The following SCAI variants were observed in gnomAD, a reference collection of about 807,000 sequenced individuals.
SCAI encodes suppressor of cancer cell invasion.
In SCAI, 24 loss-of-function variants were observed where a neutral mutation model predicts 92.2. The ratio of observed to expected loss-of-function variants is 0.26; its 90% confidence interval spans 0.19 to 0.37. The LOEUF is 0.37. Ranked by LOEUF, SCAI falls within the 10% of genes least tolerant of loss-of-function variation. SCAI has a pLI of 1.00. For missense variants in SCAI, 450 were observed against 736.2 expected, an observed-to-expected ratio of 0.61 and a Z score of 4.50; for synonymous variants, 261 against 258.6, an observed-to-expected ratio of 1.01 and a Z score of -0.09.
chr9:125,001,413 G>A (rs1034819619), intron 12 of SCAI, among the ~76,000 whole-genome samples: 20 of 152,152 alleles, frequency 1.3e-4, no homozygotes, highest in South Asian at 6.2e-4. Flanking sequence ...ACAGTGTTAC[G>A]TTTTTATTCT....
At chr9:125,133,963 C>G (rs898991613) in intron 2 of SCAI, among the ~76,000 whole-genome samples, 3 of 152,148 alleles carry the variant, frequency 2.0e-5, no homozygotes, top group Admixed American at 2.0e-4. Flanking sequence ...CAAAATGTCT[C>G]CAGACATTCT....
intron 2 of SCAI, among the ~76,000 whole-genome samples, chr9:125,088,097 G>A (rs773475117): frequency 6.6e-6 from 1 of 152,012 alleles, no homozygotes. Context: ...CAACTGTTTT[G>A]TTTTGTTTTG....
intron 2 of SCAI, among the ~76,000 whole-genome samples, chr9:125,133,595 G>T (rs906373660): frequency 1.3e-5 from 2 of 152,150 alleles, no homozygotes; most frequent in African/African-American, 4.8e-5. Flanking sequence ...AAACCACAAT[G>T]ACACGTACCA....
At position 124,948,368 on chromosome 9, in the gene SCAI, G is replaced by A. The variant is rs1831184866; in HGVS notation, c.*4439C>T. On this transcript the variant is annotated 3_prime_UTR_variant, in exon 18 of 18. Coordinates refer to ENST00000336505, the MANE Select transcript of SCAI (RefSeq NM_001144877.3). ...AAGGTTTGAGAGCACCACTTTCTAA[G>A]AGAAACACACACATGCAAATGAAGA... The A allele has an allele frequency of 6.6e-6, 1 of 152,168 alleles. No individual in the cohort carries two copies. Among genetic ancestry groups the A allele is most frequent in the African/African-American group, 2.4e-5 (1 of 41,446 alleles). The allele number at this position is 152,168 out of a possible 1,614,324, so 9.4% of individuals were successfully genotyped here.
chr9:125,061,031 C>G (rs1274751345), intron 2 of SCAI, among the ~76,000 whole-genome samples: 1 of 152,210 alleles, frequency 6.6e-6, no homozygotes, highest in Admixed American at 6.5e-5. Flanking sequence ...GGCACGGTGG[C>G]TCACGCCTGT....
intron 2 of SCAI, among the ~76,000 whole-genome samples, chr9:125,074,593 G>A (rs570827851): frequency 5.5e-4 from 83 of 151,820 alleles, no homozygotes; most frequent in African/African-American, 1.9e-3. Context: ...TCTCTCAGTG[G>A]CAAAGAACAG....
intron 2 of SCAI, among the ~76,000 whole-genome samples, chr9:125,099,207 T>C (rs1044795996): frequency 6.6e-6 from 1 of 152,166 alleles, no homozygotes; most frequent in Non-Finnish European, 1.5e-5. Context: ...AGAGAAAATA[T>C]ATATGCAGAT....
chr9:125,026,737 T>C (rs1020497320), intron 6 of SCAI, 75 bp downstream of exon 6: 1 of 790,738 alleles, frequency 1.3e-6, no homozygotes, highest in Non-Finnish European at 2.0e-6. Context: ...AATGTATGCT[T>C]TTCCACACAA....
chr9:124,958,243 G>A (rs1383008433), intron 17 of SCAI, among the ~76,000 whole-genome samples: 1 of 152,016 alleles, frequency 6.6e-6, no homozygotes, highest in Non-Finnish European at 1.5e-5. Context: ...TTATATAGAC[G>A]TACAAAGGAA....
chr9:125,021,190 G>T (rs1051687486), intron 6 of SCAI, among the ~76,000 whole-genome samples: 1 of 152,172 alleles, frequency 6.6e-6, no homozygotes, highest in Admixed American at 6.5e-5. Flanking sequence ...GGTGAGAAAA[G>T]GCTTCCTAAA....
At chr9:125,096,035 G>A (rs1022569572) in intron 2 of SCAI, among the ~76,000 whole-genome samples, 1 of 152,094 alleles carries the variant, frequency 6.6e-6, no homozygotes, top group Non-Finnish European at 1.5e-5. Context: ...TTTGTAGAGG[G>A]GCTACCCTCA....
chr9:125,007,323 G>C (rs551089520), intron 9 of SCAI, among the ~76,000 whole-genome samples: 3 of 152,190 alleles, frequency 2.0e-5, no homozygotes, highest in African/African-American at 7.2e-5. Flanking sequence ...TACTAAGTGT[G>C]ATCAACAAAA....
At chr9:125,143,110 G>A (rs1260240906) in intron 1 of SCAI, among the ~76,000 whole-genome samples, 1 of 113,346 alleles carries the variant, frequency 8.8e-6, no homozygotes, top group Admixed American at 1.0e-4. Context: ...CGGCCCCTCC[G>A]GGGGCGCGCC....
intron 3 of SCAI, among the ~76,000 whole-genome samples, chr9:125,039,222 T>C (rs1833264529): frequency 6.6e-6 from 1 of 151,808 alleles, no homozygotes; most frequent in Admixed American, 6.6e-5. Context: ...CCATCTCTAC[T>C]AAAAATACAA....
intron 3 of SCAI, among the ~76,000 whole-genome samples, chr9:125,038,658 A>G (rs761824874): frequency 9.2e-5 from 14 of 152,130 alleles, no homozygotes; most frequent in Non-Finnish European, 1.9e-4. Flanking sequence ...TGTCATCTTC[A>G]TTCTCTTGAC....
intron 3 of SCAI, among the ~76,000 whole-genome samples, chr9:125,045,610 A>G (rs1366382235): frequency 3.9e-5 from 6 of 152,198 alleles, no homozygotes; most frequent in African/African-American, 1.4e-4. Context: ...TGCTGGAATT[A>G]CAGGCATGAG....
chr9:125,022,074 G>A (rs1342804128), intron 6 of SCAI, among the ~76,000 whole-genome samples: 1 of 151,754 alleles, frequency 6.6e-6, no homozygotes, highest in Non-Finnish European at 1.5e-5. Flanking sequence ...AGGTACACTG[G>A]AACAAACTTG....
At chr9:125,136,283 G>A (rs111325153) in intron 2 of SCAI, among the ~76,000 whole-genome samples, 6,273 of 151,156 alleles carry the variant, frequency 0.042, 424 homozygotes, top group African/African-American at 0.14. Context: ...GCTAATTTTC[G>A]TATTTTTGGT....
chr9:125,066,456 A>ATTTTTTTTT (rs1183338955), intron 2 of SCAI, among the ~76,000 whole-genome samples: 3 of 121,470 alleles, frequency 2.5e-5, no homozygotes, highest in Admixed American at 7.9e-5. Context: ...TATTTTATTT[A>ATTTTTTTTT]TTTATTTATT....
Sources: allele counts gnomAD v4.1 joint callset (sites outside exome capture counted in the v4.1 genomes callset), GRCh38; gene constraint gnomAD v4.1.1; transcripts MANE v1.5; gene names NCBI Gene and HGNC (gene_info 2026-07-23, HGNC 2026-07-21).